The following CPT1A variants were observed in gnomAD, a reference collection of about 807,000 sequenced individuals.
The protein encoded by CPT1A is carnitine palmitoyltransferase 1A.
Under a neutral mutation model 100.8 loss-of-function variants are expected in CPT1A, and 64 were observed. The observed-to-expected ratio is 0.63, with a 90% CI of 0.52 to 0.78. CPT1A has a LOEUF of 0.78. Among genes scored for constraint, CPT1A ranks in the 30% least tolerant of loss-of-function variants. The probability of loss-of-function intolerance (pLI) is 0.00; values close to 1 mark genes in which losing one functional copy is unlikely to be tolerated. For missense variants in CPT1A, 802 were observed against 1,034.1 expected, an observed-to-expected ratio of 0.78 and a Z score of 3.08; for synonymous variants, 363 against 396.0, an observed-to-expected ratio of 0.92 and a Z score of 0.99.
At chr11:68,833,538 C>T (rs1205164275) in intron 1 of CPT1A, among the ~76,000 whole-genome samples, 1 of 152,196 alleles carries the variant, frequency 6.6e-6, no homozygotes, top group East Asian at 1.9e-4. Context: ...GGGCGGATCA[C>T]CTGAGGCCAG....
chr11:68,812,542 G>T lies in CPT1A; in HGVS notation c.176C>A (p.Pro59His). 6.2e-7 allele frequency: 1 copy of T among 1,614,128 alleles called. No homozygotes were observed. The highest frequency in any genetic ancestry group is 8.5e-7 in the Non-Finnish European group (1 of 1,180,014). The change falls in exon 3 of 19, where the codon CCC (proline) becomes CAC (histidine). Residue 59 changes from proline (P) to histidine (H), a missense_variant. Coordinates refer to ENST00000265641, the MANE Select transcript of CPT1A (RefSeq NM_001876.4). ...CACCACCACGATAAGCCAACTGGAG[G>T]GGCTTGCCGGGTACACGCCAGTGAT... Reference protein sequence around the residue: ...GIITGVYPASPSSWLIVVVGV... With the variant: ...GIITGVYPASHSSWLIVVVGV...
intron 1 of CPT1A, among the ~76,000 whole-genome samples, chr11:68,835,000 A>AG (rs1197757172): frequency 6.6e-6 from 1 of 151,462 alleles, no homozygotes; most frequent in Non-Finnish European, 1.5e-5. Context: ...CTCCATCTCA[A>AG]AAAAAAAAAA....
At chr11:68,787,040 A>C (rs1289384902) in intron 9 of CPT1A, among the ~76,000 whole-genome samples, 1 of 152,178 alleles carries the variant, frequency 6.6e-6, no homozygotes, top group Non-Finnish European at 1.5e-5. Context: ...AACAAGTAAA[A>C]GATAAAGGAT....
In CPT1A at chr11:68,799,248, C is replaced by T; in HGVS notation, c.663G>A (p.Leu221=). Residue 221 remains leucine (L), a synonymous_variant, in exon 6 of 19, where the codon TTG becomes TTA. Transcript: ENST00000265641. ...VGLGPRLQWY[L]KLKSWWATNY... is the part of the protein sequence containing the mutation. ...TTGTAGCCCACCAGGATTTTAACTT[C>T]AAATACCACTGTAATCTTGGTCCAA... 1 of 1,614,006 alleles carries T rather than the reference C, an allele frequency of 6.2e-7. No homozygotes were observed. The highest frequency in any genetic ancestry group is 8.5e-7 in the Non-Finnish European group (1 of 1,179,908).
chr11:68,785,160 T>A (rs1855424266), intron 9 of CPT1A, 150 bp from the exon 10 acceptor site: 1 of 720,256 alleles, frequency 1.4e-6, no homozygotes, highest in Non-Finnish European at 2.5e-6. Context: ...CAAGACGTTT[T>A]AAATGATTAA....
chr11:68,782,117 G>T (rs192753865), intron 10 of CPT1A, among the ~76,000 whole-genome samples, 158 bp from the exon 11 acceptor site: 1 of 152,326 alleles, frequency 6.6e-6, no homozygotes, highest in Admixed American at 6.5e-5. Flanking sequence ...TTGCTGGAAG[G>T]ACTCTCACCT....
intron 1 of CPT1A, among the ~76,000 whole-genome samples, chr11:68,835,525 T>C (rs1411399857): frequency 6.6e-6 from 1 of 152,206 alleles, no homozygotes; most frequent in African/African-American, 2.4e-5. Flanking sequence ...GCCAGGACAT[T>C]GTTTGCTAGA....
At chr11:68,819,118 G>A (rs895277632) in intron 1 of CPT1A, among the ~76,000 whole-genome samples, 14 of 151,926 alleles carry the variant, frequency 9.2e-5, no homozygotes, top group Non-Finnish European at 2.1e-4. Flanking sequence ...TCACTCTGTC[G>A]CCCAGGCTGG....
At chr11:68,837,655 C>T (rs1265461945) in intron 1 of CPT1A, among the ~76,000 whole-genome samples, 1 of 152,028 alleles carries the variant, frequency 6.6e-6, no homozygotes, top group African/African-American at 2.4e-5. Context: ...CCTCGTCAGG[C>T]GGTTATGGCA....
chr11:68,760,251 C>T lies in CPT1A; in HGVS notation c.2116G>A (p.Val706Met), dbSNP rs771745534. The T allele has an allele frequency of 8.1e-6, 13 of 1,611,644 alleles. No homozygotes were observed. The highest frequency in any genetic ancestry group is 4.5e-5 in the East Asian group (2 of 44,862). The change falls in exon 17 of 19, where the codon GTG (valine) becomes ATG (methionine). Residue 706 changes from valine to methionine, a missense_variant. By Grantham distance (21) the Val-to-Met change is conservative. Around this residue, in one of 4 missense-constraint regions of CPT1A, gnomAD observed 627 missense variants for 799.3 expected, o/e 0.78. Coordinates refer to ENST00000265641, the MANE Select transcript of CPT1A (RefSeq NM_001876.4). ...LFDLENNPEY[V>M]SSGGGFGPVA... The stretch of plus-strand genomic sequence containing the variant: ...GGTCCAAAGCCCCCTCCGCTGGACA[C>T]GTACTCTGGGTTATTCTCCAAGTCA...
chr11:68,777,422 C>T (rs1463901331), intron 12 of CPT1A, among the ~76,000 whole-genome samples: 1 of 152,026 alleles, frequency 6.6e-6, no homozygotes, highest in Non-Finnish European at 1.5e-5. Context: ...AGAGCAAGAC[C>T]CTGTCTCAAA....
rs116218207 is a variant in CPT1A at position 68,828,488 on chromosome 11, G to C, written c.-13-13001C>G. 7.1e-3 allele frequency among the ~76,000 whole-genome samples: 1,088 copies of C among 152,272 alleles called. 13 individuals carry two copies. The highest frequency in any genetic ancestry group is 0.025 in the African/African-American group (1,029 of 41,556). ...CAGCACCTTTCATCGAGGGCAGGAG[G>C]CCAGGGCACCCATGTGTTACAACTC... On this transcript the variant is annotated intron_variant, in intron 1 of 18. Coordinates refer to ENST00000265641, the MANE Select transcript of CPT1A (RefSeq NM_001876.4).
Position 68,760,235 on chromosome 11 carries a change from C to T in CPT1A, c.2132G>A (p.Gly711Asp), listed in dbSNP as rs770234338. ...NNPEYVSSGGGFGPVADDGYG... is the reference protein window; with the variant it reads ...NNPEYVSSGGDFGPVADDGYG... ...CCCCGCCGCACTCACCGGTCCAAAG[C>T]CCCCTCCGCTGGACACGTACTCTGG... The change falls in exon 17 of 19, where the codon GGC (glycine) becomes GAC (aspartate). Residue 711 changes from glycine to aspartate, a missense_variant. This residue lies in a region of CPT1A where 627 missense variants were observed against 799.3 expected (regional missense o/e 0.78). Coordinates refer to ENST00000265641, the MANE Select transcript of CPT1A (RefSeq NM_001876.4). 1 of 1,608,980 alleles carries T rather than the reference C, an allele frequency of 6.2e-7. No homozygotes were observed. Among genetic ancestry groups the T allele is most frequent in the South Asian group, 1.1e-5 (1 of 90,186 alleles).
At chr11:68,824,794 CTT>C (rs60451933) in intron 1 of CPT1A, among the ~76,000 whole-genome samples, 3 of 120,322 alleles carry the variant, frequency 2.5e-5, no homozygotes, top group African/African-American at 3.2e-5. Context: ...GCAATTGTAT[CTT>C]TTTTTTTTTT....
intron 1 of CPT1A, among the ~76,000 whole-genome samples, chr11:68,837,254 T>C (rs1857031721): frequency 6.6e-6 from 1 of 152,126 alleles, no homozygotes; most frequent in Admixed American, 6.5e-5. Context: ...TTCACTGTGT[T>C]GGCCAGGCTG....
At chr11:68,760,481 C>G in intron 16 of CPT1A, 143 bp from the exon 17 acceptor site, 1 of 619,364 alleles carries the variant, frequency 1.6e-6, no homozygotes, top group South Asian at 1.5e-5. Flanking sequence ...GCCTCACTGG[C>G]TTGGGCAGCG....
chr11:68,810,394 C>A (rs1006386617), intron 3 of CPT1A, among the ~76,000 whole-genome samples: 1 of 152,152 alleles, frequency 6.6e-6, no homozygotes, highest in African/African-American at 2.4e-5. Context: ...AGACAAGGAA[C>A]CTGGCAGGCG....
chr11:68,773,380 T>C lies in CPT1A; in HGVS notation c.1625A>G (p.Asn542Ser), dbSNP rs368132741. Residue 542 changes from asparagine to serine, a missense_variant, in exon 14 of 19, where the codon AAC becomes AGC. Coordinates refer to ENST00000265641, the MANE Select transcript of CPT1A (RefSeq NM_001876.4). ...TGGGAAGGAATGGAAATCCACGTCGTTTGCCAGAAGATTTGCGGTGTTCAG... is the reference window on the plus strand; with the variant it reads ...TGGGAAGGAATGGAAATCCACGTCGCTTGCCAGAAGATTTGCGGTGTTCAG... ...TSLNTANLLA[N>S]DVDFHSFPFV... 10 of 1,614,066 alleles carry C rather than the reference T, an allele frequency of 6.2e-6. No individual in the cohort carries two copies. In the African/African-American group the frequency reaches 1.3e-4, roughly 22 times the overall value.
chr11:68,842,067 C>G, upstream of CPT1A: 1 of 651,484 alleles, frequency 1.5e-6, no homozygotes, highest in Non-Finnish European at 1.9e-6. Context: ...TCGACCTCTG[C>G]CGGAATGGGG....
Sources: gnomAD v4.1 joint callset for allele counts (sites outside exome capture counted in the v4.1 genomes callset) on GRCh38, gnomAD v4.1.1 for gene constraint, gnomAD v4.1.1 regional missense constraint, MANE v1.5 for transcripts, NCBI Gene and HGNC (gene_info 2026-07-23, HGNC 2026-07-21) for gene names.